The following RIC3 variants were observed in gnomAD, a reference collection of about 807,000 sequenced individuals.
The protein encoded by RIC3 is RIC3 acetylcholine receptor chaperone.
RIC3 carries 28 observed loss-of-function variants against 27.3 expected under a neutral mutation model. The observed-to-expected ratio is 1.02, with a 90% confidence interval of 0.76 to 1.41. RIC3 has a LOEUF of 1.41. Ranked by LOEUF, RIC3 falls within the 40% of genes most tolerant of loss-of-function variation. The pLI is 0.00. For missense variants in RIC3, 501 were observed against 444.7 expected (o/e 1.13, Z -1.14); for synonymous variants, 184 against 160.4 (o/e 1.15, Z -1.11).
intron 4 of RIC3, among the ~76,000 whole-genome samples, chr11:8,136,251 C>T (rs925384065): frequency 6.6e-6 from 1 of 152,178 alleles, no homozygotes; most frequent in East Asian, 1.9e-4. Flanking sequence ...GAACAAAGGG[C>T]ACAGCGTACT....
At chr11:8,120,307 T>C (rs912569332) in intron 5 of RIC3, among the ~76,000 whole-genome samples, 1 of 152,138 alleles carries the variant, frequency 6.6e-6, no homozygotes, top group African/African-American at 2.4e-5. Context: ...CCATCAATGA[T>C]AGAATGGATT....
rs1276855701 is a variant in RIC3 at position 8,110,476 on chromosome 11, G to C, written c.*222C>G. The C allele has an allele frequency of 1.6e-6, 1 of 614,696 alleles. No homozygotes were observed. The highest frequency in any genetic ancestry group is 1.8e-5 in the African/African-American group (1 of 54,576). 38.1% of individuals were successfully genotyped at this position (614,696 alleles called of 1,614,324 possible). ...TTCTCTGATAGAGGAAAGGCAGGAA[G>C]AGAAAGAGCGAAGCTGTCCTGTGTT... On this transcript the variant is annotated 3_prime_UTR_variant, in exon 6 of 6. Transcript: ENST00000309737.
intron 1 of RIC3, among the ~76,000 whole-genome samples, chr11:8,142,439 A>C (rs1433753048): frequency 6.6e-6 from 1 of 151,586 alleles, no homozygotes; most frequent in African/African-American, 2.4e-5. Flanking sequence ...GAAATGGATA[A>C]ATTCCTCAAC....
chr11:8,100,696 G>A, the RIC3 span: 41 of 1,408,220 alleles, frequency 2.9e-5, no homozygotes, highest in East Asian at 1.7e-4. Flanking sequence ...TGTATGTGGA[G>A]GGGTACCATG....
chr11:8,132,586 A>T (rs1947867235), intron 4 of RIC3, among the ~76,000 whole-genome samples: 1 of 152,240 alleles, frequency 6.6e-6, no homozygotes, highest in Non-Finnish European at 1.5e-5. Flanking sequence ...ACAGACCTAC[A>T]TCCCTCACAA....
At chr11:8,139,926 G>C in intron 2 of RIC3, 41 bp downstream of exon 2, 1 of 1,520,094 alleles carries the variant, frequency 6.6e-7, no homozygotes, top group Non-Finnish European at 9.0e-7. Flanking sequence ...TGCCATATTA[G>C]ATTTTCATTG....
intron 1 of RIC3, among the ~76,000 whole-genome samples, chr11:8,159,748 T>A (rs887471542): frequency 9.2e-5 from 14 of 152,162 alleles, no homozygotes; most frequent in African/African-American, 3.4e-4. Context: ...TCCAGCACTC[T>A]GGGAGGCCAA....
the RIC3 span, among the ~76,000 whole-genome samples, chr11:8,099,074 C>A: frequency 1.4e-4 from 22 of 152,078 alleles, no homozygotes; most frequent in African/African-American, 5.3e-4. Flanking sequence ...ACACCACAGC[C>A]GGCCATCTGC....
At position 8,138,296 on chromosome 11, in the gene RIC3, G is replaced by A. The variant is rs73411617; in HGVS notation, c.403C>T (p.Pro135Ser). Reference sequence around the variant, plus strand: ...CTAATTTTCCTGTGGGTGTTTCCAGGCATGGCAGTATAGCATTTCCCATCC... The same window carrying A: ...CTAATTTTCCTGTGGGTGTTTCCAGACATGGCAGTATAGCATTTCCCATCC... ...AEDGKCYTAMPGNTHRKITSF... is the reference protein window; with the variant it reads ...AEDGKCYTAMSGNTHRKITSF... Residue 135 changes from proline to serine, a missense_variant, in exon 3 of 6, where the codon CCT becomes TCT. By Grantham distance (74) the Pro-to-Ser change is moderately conservative. Coordinates refer to ENST00000309737, the MANE Select transcript of RIC3 (RefSeq NM_001206671.4). 0.037 allele frequency: 59,485 copies of A among 1,612,740 alleles called. 1,403 individuals are homozygous for A. The highest frequency in any genetic ancestry group is 0.078 in the South Asian group (7,106 of 91,004).
chr11:8,164,781 CAAAAAAAAAAAA>C (rs199958835), intron 1 of RIC3, among the ~76,000 whole-genome samples: 34,127 of 84,526 alleles, frequency 0.4, 4,284 homozygotes, highest in East Asian at 0.58. Context: ...CTGTCTCTCT[CAAAAAAAAAAAA>C]AAAAAAAAAA....
intron 4 of RIC3, among the ~76,000 whole-genome samples, chr11:8,131,025 C>T (rs1218245970): frequency 2.6e-5 from 4 of 152,262 alleles, no homozygotes; most frequent in Non-Finnish European, 5.9e-5. Flanking sequence ...GTTTGGAAAA[C>T]AGAAAGAAAA....
rs1945134242 is a variant in RIC3, at chr11:8,110,648, A to G, written c.*50T>C. The G allele has an allele frequency of 6.6e-7, 1 of 1,522,952 alleles. No homozygotes were observed. Among genetic ancestry groups the G allele is most frequent in the East Asian group, 2.2e-5 (1 of 44,458 alleles). The allele number at this position is 1,522,952 out of a possible 1,614,324, so 94.3% of individuals were successfully genotyped here. ...AGGGCCAAGAAGGAAATCTGAGGAG[A>G]GAGAGGTCACCTTGGGACTTGAGTA... On this transcript the variant is annotated 3_prime_UTR_variant, in exon 6 of 6. Coordinates refer to ENST00000309737, the MANE Select transcript of RIC3 (RefSeq NM_001206671.4).
chr11:8,125,775 A>C (rs552383241), intron 5 of RIC3, among the ~76,000 whole-genome samples: 1 of 152,336 alleles, frequency 6.6e-6, no homozygotes, highest in African/African-American at 2.4e-5. Flanking sequence ...CCACAGGCCC[A>C]CACCTATAAT....
intron 1 of RIC3, among the ~76,000 whole-genome samples, chr11:8,153,916 G>A (rs758005343): frequency 1.3e-5 from 2 of 152,088 alleles, no homozygotes; most frequent in East Asian, 3.9e-4. Flanking sequence ...CACTTAAGAC[G>A]GTAGGCAACA....
At chr11:8,168,126 T>C (rs1010384405) in intron 1 of RIC3, among the ~76,000 whole-genome samples, 10 of 152,248 alleles carry the variant, frequency 6.6e-5, no homozygotes, top group East Asian at 1.9e-4. Context: ...TCATGACCTA[T>C]AGAAAACTGT....
At chr11:8,117,359 C>G (rs552060937) in intron 5 of RIC3, among the ~76,000 whole-genome samples, 1 of 152,240 alleles carries the variant, frequency 6.6e-6, no homozygotes, top group African/African-American at 2.4e-5. Context: ...GCCACCATAC[C>G]TGGCCTACTG....
chr11:8,097,893 G>A, the RIC3 span: 3 of 1,254,364 alleles, frequency 2.4e-6, no homozygotes, highest in South Asian at 1.3e-5. Flanking sequence ...TGTCTGTAGA[G>A]GGCCTGAATC....
At chr11:8,129,821 T>C (rs1292573222) in intron 4 of RIC3, among the ~76,000 whole-genome samples, 1 of 152,138 alleles carries the variant, frequency 6.6e-6, no homozygotes, top group East Asian at 1.9e-4. Flanking sequence ...CCATGGAGAT[T>C]TTCTCCATCT....
At chr11:8,165,205 T>A (rs1951569761) in intron 1 of RIC3, among the ~76,000 whole-genome samples, 1 of 152,096 alleles carries the variant, frequency 6.6e-6, no homozygotes, top group Non-Finnish European at 1.5e-5. Flanking sequence ...TCAAGAGAAA[T>A]GAAAACATTA....
Sources: allele counts gnomAD v4.1 joint callset (sites outside exome capture counted in the v4.1 genomes callset), GRCh38; gene constraint gnomAD v4.1.1; transcripts MANE v1.5; gene names NCBI Gene and HGNC (gene_info 2026-07-23, HGNC 2026-07-21).